The following PLCXD3 variants were observed in gnomAD, a reference collection of about 807,000 sequenced individuals.
The protein encoded by PLCXD3 is phosphatidylinositol specific phospholipase C X domain containing 3, also known as PI-PLC X domain-containing protein 3.
PLCXD3 carries 19 observed loss-of-function variants against 25.5 expected under a neutral mutation model. The ratio of observed to expected loss-of-function variants is 0.75; its 90% CI spans 0.52 to 1.09. The LOEUF is 1.09. Among genes scored for constraint, PLCXD3 ranks in the 50% least tolerant of loss-of-function variants. The pLI, the probability that PLCXD3 is intolerant of heterozygous loss-of-function variation, is 0.00. For missense variants in PLCXD3, 411 were observed against 388.1 expected (o/e 1.06, Z -0.50); for synonymous variants, 174 against 137.6 (o/e 1.26, Z -1.85).
intron 1 of PLCXD3, among the ~76,000 whole-genome samples, chr5:41,422,732 A>T (rs2150506451): frequency 6.6e-6 from 1 of 152,196 alleles, no homozygotes; most frequent in East Asian, 1.9e-4. Context: ...CTTTTGTCAG[A>T]TTTATTTCCA....
At chr5:41,460,433 T>C (rs1265546774) in intron 1 of PLCXD3, among the ~76,000 whole-genome samples, 3 of 152,060 alleles carry the variant, frequency 2.0e-5, no homozygotes, top group African/African-American at 7.2e-5. Context: ...TATCTATATT[T>C]TTTAAAGTCA....
intron 1 of PLCXD3, among the ~76,000 whole-genome samples, chr5:41,443,815 G>T (rs1747438711): frequency 6.6e-6 from 1 of 152,144 alleles, no homozygotes; most frequent in Admixed American, 6.5e-5. Context: ...CTAAGTATAA[G>T]CACCAGGACA....
intron 1 of PLCXD3, among the ~76,000 whole-genome samples, chr5:41,460,202 A>C (rs1747844667): frequency 6.6e-6 from 1 of 151,876 alleles, no homozygotes; most frequent in African/African-American, 2.4e-5. Flanking sequence ...GAGGCAGGAA[A>C]TGTTCATTCC....
rs1432714692 is a variant in PLCXD3 at position 41,406,684 on chromosome 5, G to A, written c.104-24150C>T. ...TGACAGTGGTCTGGCTTCCTGTGGG[G>A]GCCACTGAAATAGCTTTCAGGTACT... On this transcript the variant is annotated intron_variant, in intron 1 of 2. Transcript: ENST00000377801. Among the ~76,000 whole-genome samples the A allele has an allele frequency of 3.9e-5, 6 of 152,072 alleles. No individual in the cohort carries two copies. In the East Asian group the frequency reaches 1.2e-3, roughly 29 times the overall value.
rs188581355 is a variant in PLCXD3 at position 41,329,277 on chromosome 5, C to T, written c.813-15507G>A. Reference sequence around the variant, plus strand: ...AAGTTTAAATGTCACTTCTTCGAAACACTAGTCAGAATTGTAATCGTATTT... The same window carrying T: ...AAGTTTAAATGTCACTTCTTCGAAATACTAGTCAGAATTGTAATCGTATTT... On this transcript the variant is annotated intron_variant, in intron 2 of 2. Coordinates refer to ENST00000377801, the MANE Select transcript of PLCXD3 (RefSeq NM_001005473.3). Among the ~76,000 whole-genome samples the T allele has an allele frequency of 2.7e-3, 409 of 152,292 alleles. 4 individuals are homozygous for T. Among genetic ancestry groups the T allele is most frequent in the South Asian group, 4.3e-3 (21 of 4,830 alleles).
At chr5:41,385,419 C>A (rs1308829336) in intron 1 of PLCXD3, among the ~76,000 whole-genome samples, 1 of 152,110 alleles carries the variant, frequency 6.6e-6, no homozygotes, top group Non-Finnish European at 1.5e-5. Context: ...CAAGGGCTAA[C>A]CACTCCCATT....
intron 1 of PLCXD3, among the ~76,000 whole-genome samples, chr5:41,487,158 A>G (rs1173506495): frequency 6.6e-6 from 1 of 152,220 alleles, no homozygotes; most frequent in Admixed American, 6.5e-5. Context: ...TAGTGCCATA[A>G]TGGCTAAAAA....
chr5:41,333,266 C>T (rs1180391717), intron 2 of PLCXD3, among the ~76,000 whole-genome samples: 1 of 151,924 alleles, frequency 6.6e-6, no homozygotes, highest in East Asian at 1.9e-4. Flanking sequence ...GCAACTGAGC[C>T]CCCACAGACC....
rs182750757 is a variant in PLCXD3, at chr5:41,310,359, T to C, written c.*3258A>G. On this transcript the variant is annotated 3_prime_UTR_variant, in exon 3 of 3. Transcript: ENST00000377801. ...CACTCCTTTGATTTCCTGCTGTAGA[T>C]TGGGTAAAAGTTAGATTGTATTTGT... is the stretch of plus-strand genomic sequence containing the variant. The C allele has an allele frequency of 3.3e-4, 50 of 152,280 alleles. No homozygotes were observed. The highest frequency in any genetic ancestry group is 1.0e-3 in the African/African-American group (43 of 41,558). 9.4% of individuals were successfully genotyped at this position (152,280 alleles called of 1,614,324 possible). A position where few individuals can be genotyped will look rare whatever the true frequency, so the allele number is the denominator to read the frequency against.
rs75984882 is a variant in PLCXD3 at position 41,507,336 on chromosome 5, A to G, written c.103+3088T>C. On this transcript the variant is annotated intron_variant, in intron 1 of 2. Coordinates refer to ENST00000377801, the MANE Select transcript of PLCXD3 (RefSeq NM_001005473.3). The stretch of plus-strand genomic sequence containing the variant: ...TTAAGTTTAGGGCCATCAGAGAGAG[A>G]AGGAAATAATAAACAAGGCTGAAAT... 3.7e-3 allele frequency among the ~76,000 whole-genome samples: 559 copies of G among 152,334 alleles called. 3 individuals are homozygous for G. Among genetic ancestry groups the G allele is most frequent in the African/African-American group, 0.012 (514 of 41,580 alleles).
At chr5:41,381,317 A>G (rs1359870190) in intron 2 of PLCXD3, among the ~76,000 whole-genome samples, 4 of 152,154 alleles carry the variant, frequency 2.6e-5, no homozygotes, top group African/African-American at 9.7e-5. Flanking sequence ...GTGGTCCACA[A>G]AAATACACGT....
At chr5:41,497,880 T>C (rs1006793679) in intron 1 of PLCXD3, among the ~76,000 whole-genome samples, 1 of 151,714 alleles carries the variant, frequency 6.6e-6, no homozygotes, top group Non-Finnish European at 1.5e-5. Flanking sequence ...TAGAAATCAA[T>C]ATCAGAAGGA....
At chr5:41,367,411 A>C (rs535528696) in intron 2 of PLCXD3, among the ~76,000 whole-genome samples, 1 of 151,948 alleles carries the variant, frequency 6.6e-6, no homozygotes. Flanking sequence ...CTTTTTTTTC[A>C]AATGTTTGTT....
At chr5:41,444,033 A>G (rs551204663) in intron 1 of PLCXD3, among the ~76,000 whole-genome samples, 3 of 152,264 alleles carry the variant, frequency 2.0e-5, no homozygotes, top group South Asian at 2.1e-4. Flanking sequence ...CTGTGGATAT[A>G]CTTTCTTCTC....
intron 1 of PLCXD3, among the ~76,000 whole-genome samples, chr5:41,415,166 T>C (rs993244287): frequency 4.6e-5 from 7 of 152,200 alleles, no homozygotes; most frequent in African/African-American, 1.4e-4. Flanking sequence ...ACATAGATTA[T>C]TTTTAGATTA....
intron 2 of PLCXD3, among the ~76,000 whole-genome samples, chr5:41,349,788 A>G (rs186778706): frequency 1.2e-4 from 18 of 152,356 alleles, no homozygotes; most frequent in Admixed American, 7.2e-4. Flanking sequence ...AGGTCTTTAA[A>G]TTATCCTGTA....
At chr5:41,414,453 T>C (rs1224396966) in intron 1 of PLCXD3, among the ~76,000 whole-genome samples, 1 of 152,166 alleles carries the variant, frequency 6.6e-6, no homozygotes, top group African/African-American at 2.4e-5. Context: ...AAAAGAGAAG[T>C]AACTAATTAA....
intron 2 of PLCXD3, among the ~76,000 whole-genome samples, chr5:41,339,258 G>C (rs13175338): frequency 1.4e-4 from 21 of 152,220 alleles, no homozygotes; most frequent in South Asian, 8.3e-4. Flanking sequence ...GTCCTCAAGA[G>C]TGATCCAAGG....
At chr5:41,491,035 A>C (rs999069460) in intron 1 of PLCXD3, among the ~76,000 whole-genome samples, 12 of 151,936 alleles carry the variant, frequency 7.9e-5, no homozygotes, top group Non-Finnish European at 8.8e-5. Context: ...TTAGGTTGTC[A>C]ATTTTGGATC....
Sources: allele counts gnomAD v4.1 joint callset (sites outside exome capture counted in the v4.1 genomes callset), GRCh38; gene constraint gnomAD v4.1.1; transcripts MANE v1.5; gene names NCBI Gene and HGNC (gene_info 2026-07-23, HGNC 2026-07-21).